Variants in PDE1C observed in about 807,000 individuals in gnomAD.
The protein encoded by PDE1C is phosphodiesterase 1C.
PDE1C carries 62 observed loss-of-function variants against 93.1 expected under a neutral mutation model. That is an observed-to-expected ratio of 0.67 (90% CI 0.54 to 0.82). PDE1C has a LOEUF of 0.82. PDE1C is among the 40% of genes least tolerant of loss of function. The pLI, the probability that PDE1C is intolerant of heterozygous loss-of-function variation, is 0.00. For synonymous variants in PDE1C, 325 were observed against 310.1 expected (o/e 1.05, Z -0.50); for missense variants, 742 against 884.6 (o/e 0.84, Z 2.04).
At chr7:32,357,605 A>C (rs1051412438) in intron 1 of PDE1C, among the ~76,000 whole-genome samples, 3 of 152,234 alleles carry the variant, frequency 2.0e-5, no homozygotes, top group South Asian at 2.1e-4. Flanking sequence ...CCGGGTGCCC[A>C]GCTCAGGGGG....
At chr7:31,623,742 T>TTC in the PDE1C span, among the ~76,000 whole-genome samples, 143 of 148,986 alleles carry the variant, frequency 9.6e-4, 1 homozygote, top group African/African-American at 3.4e-3. Flanking sequence ...ACCACGCCTA[T>TTC]TCAACATAGT....
chr7:31,629,468 T>C, the PDE1C span, among the ~76,000 whole-genome samples: 1 of 152,204 alleles, frequency 6.6e-6, no homozygotes, highest in African/African-American at 2.4e-5. Context: ...GGAGGGGGAA[T>C]AGAAACAGTT....
chr7:31,951,296 A>G (rs1044581947), intron 2 of PDE1C, among the ~76,000 whole-genome samples: 3 of 152,138 alleles, frequency 2.0e-5, no homozygotes, highest in Admixed American at 6.5e-5. Context: ...GAGTTTATCT[A>G]TTATTCCTTT....
intron 1 of PDE1C, among the ~76,000 whole-genome samples, chr7:32,211,503 A>G (rs1806023766): frequency 6.6e-6 from 1 of 152,042 alleles, no homozygotes; most frequent in Admixed American, 6.6e-5. Context: ...GGATGTTATC[A>G]TAGCTAAGTA....
At chr7:32,305,021 G>C (rs1044483271) in intron 1 of PDE1C, among the ~76,000 whole-genome samples, 3 of 152,158 alleles carry the variant, frequency 2.0e-5, no homozygotes, top group Admixed American at 6.5e-5. Flanking sequence ...AGGCCCAAAA[G>C]TATCACCCTG....
the PDE1C span, among the ~76,000 whole-genome samples, chr7:31,649,064 T>C: frequency 2.0e-5 from 3 of 152,238 alleles, no homozygotes; most frequent in African/African-American, 7.2e-5. Flanking sequence ...TTCACTCACA[T>C]TGATGCAAGA....
At position 31,828,281 on chromosome 7, in the gene PDE1C, C is replaced by T; in HGVS notation, c.1285+11G>A. 1 of 1,609,006 alleles carries T rather than the reference C, an allele frequency of 6.2e-7. No individual in the cohort carries two copies. Among genetic ancestry groups the T allele is most frequent in the Non-Finnish European group, 8.5e-7 (1 of 1,175,964 alleles). On this transcript the variant is annotated intron_variant, in intron 12 of 17. Transcript: ENST00000396191. ...TTTGGTGCTTCTATCCAAAGAGCTGCAAACACGTACCTACTTGTGACTGAG... is the reference window on the plus strand; with the variant it reads ...TTTGGTGCTTCTATCCAAAGAGCTGTAAACACGTACCTACTTGTGACTGAG...
chr7:31,736,041 T>C, the PDE1C span, among the ~76,000 whole-genome samples: 2 of 152,194 alleles, frequency 1.3e-5, no homozygotes, highest in Non-Finnish European at 1.5e-5. Flanking sequence ...GCAAATTTTT[T>C]TGTGGATTTT....
At chr7:31,761,555 TAGGCCAGTGGAGTCTAGCC>T (rs1794834291) in intron 17 of PDE1C, among the ~76,000 whole-genome samples, 1 of 152,148 alleles carries the variant, frequency 6.6e-6, no homozygotes, top group South Asian at 2.1e-4. Context: ...TCCAAAACTC[TAGGCCAGTGGAGTCTAGCC>T]AGGCAAGCTC....
intron 1 of PDE1C, among the ~76,000 whole-genome samples, chr7:32,307,863 G>C (rs1197896559): frequency 6.6e-6 from 1 of 152,356 alleles, no homozygotes; most frequent in African/African-American, 2.4e-5. Context: ...TCTCACTAGG[G>C]AGTGCCAGAT....
chr7:32,280,671 T>C (rs1372041569), intron 1 of PDE1C, among the ~76,000 whole-genome samples: 1 of 152,220 alleles, frequency 6.6e-6, no homozygotes, highest in Non-Finnish European at 1.5e-5. Context: ...AAAAATTTTC[T>C]AATGAAAACT....
At chr7:32,088,085 T>G (rs2128742930) in intron 3 of PDE1C, among the ~76,000 whole-genome samples, 1 of 152,182 alleles carries the variant, frequency 6.6e-6, no homozygotes, top group South Asian at 2.1e-4. Context: ...CATCATTCAA[T>G]TTTATTATAA....
intron 3 of PDE1C, among the ~76,000 whole-genome samples, chr7:32,160,016 C>T (rs1030794307): frequency 6.6e-6 from 1 of 152,120 alleles, no homozygotes; most frequent in Non-Finnish European, 1.5e-5. Context: ...GCTGGACCAT[C>T]TGATGCTGAA....
chr7:32,283,562 G>A (rs993365234), intron 1 of PDE1C, among the ~76,000 whole-genome samples: 5 of 152,180 alleles, frequency 3.3e-5, no homozygotes, highest in Admixed American at 3.3e-4. Context: ...GCATTGGCAT[G>A]CCAGTTCTTT....
intron 1 of PDE1C, among the ~76,000 whole-genome samples, chr7:32,396,181 A>G (rs1253213732): frequency 6.6e-6 from 1 of 152,172 alleles, no homozygotes; most frequent in Non-Finnish European, 1.5e-5. Context: ...AGCTTCCATA[A>G]TTAAAATGGA....
the PDE1C span, among the ~76,000 whole-genome samples, chr7:31,658,002 C>G: frequency 6.6e-6 from 1 of 152,104 alleles, no homozygotes; most frequent in Non-Finnish European, 1.5e-5. Context: ...TTATTCAAAG[C>G]CAAAAGCTTT....
At chr7:31,795,453 G>A (rs556007148) in intron 16 of PDE1C, among the ~76,000 whole-genome samples, 72 of 151,704 alleles carry the variant, frequency 4.7e-4, no homozygotes, top group South Asian at 1.2e-3. Flanking sequence ...ACCTTGCCCC[G>A]TAGTTACAAA....
chr7:31,949,853 G>A (rs566945288), intron 2 of PDE1C, among the ~76,000 whole-genome samples: 11 of 152,196 alleles, frequency 7.2e-5, no homozygotes, highest in African/African-American at 1.7e-4. Flanking sequence ...TGGAGCTCCC[G>A]AAAAAAGAAG....
intron 3 of PDE1C, among the ~76,000 whole-genome samples, chr7:32,084,951 G>A (rs940424552): frequency 1.7e-4 from 24 of 144,474 alleles, no homozygotes; most frequent in African/African-American, 6.0e-4. Flanking sequence ...AACTAGAAAA[G>A]CAAGAGCAAA....
Sources: allele counts gnomAD v4.1 joint callset (sites outside exome capture counted in the v4.1 genomes callset), GRCh38; gene constraint gnomAD v4.1.1; transcripts MANE v1.5; gene names NCBI Gene and HGNC (gene_info 2026-07-23, HGNC 2026-07-21).